Variants in FAM117B observed in about 807,000 individuals in gnomAD.
FAM117B encodes the protein family with sequence similarity 117 member B.
A neutral mutation model predicts 52.8 loss-of-function variants in FAM117B; 22 were observed. The observed-to-expected ratio is 0.42, with a 90% CI of 0.30 to 0.59. The LOEUF is 0.59. Among genes scored for constraint, FAM117B ranks in the 20% least tolerant of loss-of-function variants. FAM117B has a pLI of 0.22. For missense variants in FAM117B, 678 were observed against 802.6 expected (o/e 0.84, Z 1.88); for synonymous variants, 309 against 324.1 (o/e 0.95, Z 0.50).
At position 202,704,237 on chromosome 2, in the gene FAM117B, T is replaced by C. The variant is rs147783584; in HGVS notation, c.753+8205T>C. ...AACATATAAAACTCTCGGAACAGTATCTGGCACCTAGTAAGCATTCAATAA... is the reference window on the plus strand; with the variant it reads ...AACATATAAAACTCTCGGAACAGTACCTGGCACCTAGTAAGCATTCAATAA... On this transcript the variant is annotated intron_variant, in intron 2 of 7. Coordinates refer to ENST00000392238, the MANE Select transcript of FAM117B (RefSeq NM_173511.4). Among the ~76,000 whole-genome samples, 543 of 152,350 alleles carry C rather than the reference T, an allele frequency of 3.6e-3. 4 individuals are homozygous for C. Among genetic ancestry groups the C allele is most frequent in the African/African-American group, 0.013 (524 of 41,576 alleles).
intron 1 of FAM117B, among the ~76,000 whole-genome samples, chr2:202,643,766 A>G (rs781736402): frequency 6.6e-6 from 1 of 151,768 alleles, no homozygotes. Context: ...CTGGAGTGCA[A>G]TGTCAGGATC....
intron 1 of FAM117B, among the ~76,000 whole-genome samples, chr2:202,653,124 T>A (rs1024762257): frequency 6.6e-6 from 1 of 151,986 alleles, no homozygotes; most frequent in East Asian, 1.9e-4. Flanking sequence ...AAAAATTAGC[T>A]AGATGAGGTG....
intron 1 of FAM117B, among the ~76,000 whole-genome samples, chr2:202,661,179 T>G (rs1690122561): frequency 1.3e-5 from 2 of 152,230 alleles, no homozygotes; most frequent in Admixed American, 6.5e-5. Flanking sequence ...ATTATTTACT[T>G]TTTTGAATCC....
At chr2:202,652,850 A>C (rs1293771522) in intron 1 of FAM117B, among the ~76,000 whole-genome samples, 1 of 152,218 alleles carries the variant, frequency 6.6e-6, no homozygotes, top group Non-Finnish European at 1.5e-5. Flanking sequence ...TCTAGCAGTT[A>C]AACTTTTTTA....
rs770668447 is a variant in FAM117B, at chr2:202,726,292, A to ACGACAC, written c.889_890insCGACAC (p.Ser297delinsThrThrArg). Reference sequence around the variant, plus strand: ...GCAGTTGCAGAGAAGTAAACACAGCAGTCGGCATCATCGAGATAAAGAAAG... The same window carrying ACGACAC: ...GCAGTTGCAGAGAAGTAAACACAGCACGACACGTCGGCATCATCGAGATAAAGAAAG... On this transcript the variant is annotated protein_altering_variant, in exon 4 of 8. Transcript: ENST00000392238. The ACGACAC allele has an allele frequency of 3.7e-6, 6 of 1,614,002 alleles. No individual in the cohort carries two copies. Among genetic ancestry groups the ACGACAC allele is most frequent in the Non-Finnish European group, 4.2e-6 (5 of 1,179,980 alleles).
At chr2:202,753,477 C>G (rs926913808) in intron 4 of FAM117B, among the ~76,000 whole-genome samples, 3 of 152,140 alleles carry the variant, frequency 2.0e-5, no homozygotes, top group Non-Finnish European at 4.4e-5. Context: ...GACAAAAACA[C>G]CAAAAGCAAT....
intron 4 of FAM117B, among the ~76,000 whole-genome samples, chr2:202,728,074 G>A (rs1408965390): frequency 1.3e-5 from 2 of 152,220 alleles, no homozygotes; most frequent in South Asian, 2.1e-4. Flanking sequence ...CGACTTCCTG[G>A]GTTTATGTGA....
At chr2:202,644,612 T>G (rs1325210040) in intron 1 of FAM117B, among the ~76,000 whole-genome samples, 1 of 152,200 alleles carries the variant, frequency 6.6e-6, no homozygotes, top group African/African-American at 2.4e-5. Context: ...TTTCCAATAA[T>G]TTTTTGAGAG....
chr2:202,759,153 C>T, intron 6 of FAM117B, 80 bp from the exon 7 acceptor site: 1 of 1,510,492 alleles, frequency 6.6e-7, no homozygotes, highest in African/African-American at 1.4e-5. Flanking sequence ...TCAAGTAGTT[C>T]ATGGTGGGCT....
intron 2 of FAM117B, among the ~76,000 whole-genome samples, chr2:202,707,029 A>G (rs1305197861): frequency 1.3e-5 from 2 of 151,918 alleles, no homozygotes; most frequent in Non-Finnish European, 2.9e-5. Context: ...GACACCATAC[A>G]TTGTTTTTTG....
At chr2:202,686,894 T>C (rs1690549280) in intron 1 of FAM117B, among the ~76,000 whole-genome samples, 2 of 152,012 alleles carry the variant, frequency 1.3e-5, no homozygotes, top group Admixed American at 6.6e-5. Context: ...ATAGGATACA[T>C]ATATATTTTA....
intron 2 of FAM117B, among the ~76,000 whole-genome samples, chr2:202,723,955 G>T (rs1337929943): frequency 6.6e-6 from 1 of 151,604 alleles, no homozygotes; most frequent in Admixed American, 6.6e-5. Context: ...TTATCAGTGA[G>T]GTTGAGCATA....
chr2:202,714,533 C>CTTTTT (rs1034689626), intron 2 of FAM117B, among the ~76,000 whole-genome samples: 30 of 117,644 alleles, frequency 2.6e-4, no homozygotes, highest in Middle Eastern at 4.3e-3. Flanking sequence ...TTTTTTTTTT[C>CTTTTT]TTTTTTTTTT....
chr2:202,737,714 G>A (rs750783251), intron 4 of FAM117B, among the ~76,000 whole-genome samples: 1 of 151,722 alleles, frequency 6.6e-6, no homozygotes, highest in African/African-American at 2.4e-5. Context: ...CGATTTTCCC[G>A]CCTCAGCCTC....
intron 7 of FAM117B, among the ~76,000 whole-genome samples, chr2:202,763,255 G>A (rs1691924449): frequency 2.0e-5 from 3 of 151,928 alleles, no homozygotes; most frequent in Admixed American, 2.0e-4. Flanking sequence ...GTATCTTTTA[G>A]TAGAGACAGG....
chr2:202,726,333 T>C lies in FAM117B; in HGVS notation c.930T>C (p.His310=). The part of the protein sequence containing the change: ...HRDKERQSPF[H]GNHAAINQCQ... ...ATAAAGAAAGACAGTCTCCATTTCA[T>C]GGCAACCATGCAGCTATTAACCAGT... Residue 310 remains histidine, a synonymous_variant, in exon 4 of 8, where the codon CAT becomes CAC. Coordinates refer to ENST00000392238, the MANE Select transcript of FAM117B (RefSeq NM_173511.4). 2 of 1,613,798 alleles carry C rather than the reference T, an allele frequency of 1.2e-6. 1 individual carries two copies. Among genetic ancestry groups the C allele is most frequent in the South Asian group, 2.2e-5 (2 of 91,036 alleles).
intron 1 of FAM117B, among the ~76,000 whole-genome samples, chr2:202,637,926 G>A (rs927390846): frequency 6.7e-6 from 1 of 149,922 alleles, no homozygotes; most frequent in Non-Finnish European, 1.5e-5. Flanking sequence ...ACCTAGGCTG[G>A]AGTGCAATGG....
At chr2:202,677,592 A>G (rs184916148) in intron 1 of FAM117B, among the ~76,000 whole-genome samples, 304 of 152,296 alleles carry the variant, frequency 2.0e-3, no homozygotes, top group African/African-American at 7.0e-3. Context: ...TCTTGCTCAG[A>G]TTCTAAAGAG....
chr2:202,669,666 C>T (rs971141075), intron 1 of FAM117B, among the ~76,000 whole-genome samples: 1 of 152,124 alleles, frequency 6.6e-6, no homozygotes, highest in African/African-American at 2.4e-5. Flanking sequence ...GATTTTCAGG[C>T]ATGTCATTAT....
Sources: gnomAD v4.1 joint callset for allele counts (sites outside exome capture counted in the v4.1 genomes callset) on GRCh38, gnomAD v4.1.1 for gene constraint, MANE v1.5 for transcripts, NCBI Gene and HGNC (gene_info 2026-07-23, HGNC 2026-07-21) for gene names.